EGFLAM: variants seen among roughly 807,000 people sequenced by gnomAD.
The protein encoded by EGFLAM is EGF like, fibronectin type III and laminin G domains.
In EGFLAM, 79 loss-of-function variants were observed where a neutral mutation model predicts 113.1. The observed-to-expected ratio is 0.70, with a 90% CI of 0.58 to 0.84. EGFLAM has a LOEUF of 0.84. EGFLAM is among the 40% of genes least tolerant of loss of function. The pLI is 0.00. For synonymous variants in EGFLAM, 504 were observed against 487.6 expected (o/e 1.03, Z -0.44); for missense variants, 1,265 against 1,291.6 (o/e 0.98, Z 0.32).
intron 1 of EGFLAM, among the ~76,000 whole-genome samples, chr5:38,293,441 T>C (rs1411559330): frequency 6.6e-6 from 1 of 152,224 alleles, no homozygotes; most frequent in Non-Finnish European, 1.5e-5. Flanking sequence ...CAATGATCAA[T>C]GCTATTATTG....
intron 1 of EGFLAM, among the ~76,000 whole-genome samples, chr5:38,276,464 TAAAA>T (rs1490786194): frequency 6.6e-6 from 1 of 151,874 alleles, no homozygotes; most frequent in Non-Finnish European, 1.5e-5. Flanking sequence ...AAATGCCTAA[TAAAA>T]AAGGAAGAAA....
chr5:38,341,365 G>A (rs1044346243), intron 3 of EGFLAM, among the ~76,000 whole-genome samples: 7 of 152,174 alleles, frequency 4.6e-5, no homozygotes, highest in Non-Finnish European at 1.0e-4. Flanking sequence ...AGTGCTGAGT[G>A]AAGGGGGAAG....
chr5:38,431,475 A>G (rs1034849479), intron 15 of EGFLAM, among the ~76,000 whole-genome samples, 187 bp downstream of exon 15: 2 of 152,244 alleles, frequency 1.3e-5, no homozygotes, highest in Admixed American at 6.5e-5. Flanking sequence ...AATGGGGATA[A>G]TAATAGTATG....
intron 1 of EGFLAM, among the ~76,000 whole-genome samples, chr5:38,324,612 C>T (rs916988172): frequency 2.0e-5 from 3 of 152,096 alleles, no homozygotes; most frequent in Non-Finnish European, 4.4e-5. Context: ...TTAGAGGTTC[C>T]AATCCAATGG....
intron 1 of EGFLAM, chr5:38,305,600 C>A: frequency 3.2e-6 from 1 of 308,578 alleles, no homozygotes; most frequent in Non-Finnish European, 6.7e-6. Context: ...GAAAAGGCAA[C>A]CAGTCCAACT....
chr5:38,336,460 G>C (rs13167536), intron 1 of EGFLAM, among the ~76,000 whole-genome samples: 1 of 151,704 alleles, frequency 6.6e-6, no homozygotes, highest in Non-Finnish European at 1.5e-5. Context: ...TGTAGTCCCA[G>C]CTACTCCGGA....
At chr5:38,431,354 T>G in intron 15 of EGFLAM, 66 bp downstream of exon 15, 1 of 1,501,130 alleles carries the variant, frequency 6.7e-7, no homozygotes, top group Admixed American at 1.8e-5. Context: ...CTGCCTGTCT[T>G]GGTAGAAAAG....
chr5:38,341,969 C>A (rs1167429217), intron 3 of EGFLAM, among the ~76,000 whole-genome samples: 3 of 151,624 alleles, frequency 2.0e-5, no homozygotes, highest in East Asian at 3.9e-4. Flanking sequence ...TCTCCAGGGA[C>A]AACCTGATCA....
intron 1 of EGFLAM, among the ~76,000 whole-genome samples, chr5:38,284,404 C>T (rs909464780): frequency 6.6e-6 from 1 of 152,162 alleles, no homozygotes; most frequent in Non-Finnish European, 1.5e-5. Context: ...CTCAGCTCCA[C>T]CATTGTAGAG....
rs1342278100 is a variant in EGFLAM at position 38,401,667 on chromosome 5, T to C, written c.713-4459T>C. On this transcript the variant is annotated intron_variant, in intron 6 of 21. Transcript: ENST00000322350. Reference sequence around the variant, plus strand: ...TCTCCTGTCACTCCTCTCAAAGGTGTTGACCTTTGTTGAGTACATGAAGTG... The same window carrying C: ...TCTCCTGTCACTCCTCTCAAAGGTGCTGACCTTTGTTGAGTACATGAAGTG... 2.0e-5 allele frequency among the ~76,000 whole-genome samples: 3 copies of C among 152,044 alleles called. No individual in the cohort carries two copies. In the East Asian group the frequency reaches 5.8e-4, roughly 29 times the overall value.
At chr5:38,461,526 A>T (rs547053422) in intron 20 of EGFLAM, among the ~76,000 whole-genome samples, 221 of 151,774 alleles carry the variant, frequency 1.5e-3, no homozygotes, top group African/African-American at 5.1e-3. Context: ...TTTTTTTTTT[A>T]AAGGCAGGGC....
At chr5:38,421,852 C>T (rs1741833969) in intron 12 of EGFLAM, among the ~76,000 whole-genome samples, 1 of 151,734 alleles carries the variant, frequency 6.6e-6, no homozygotes, top group South Asian at 2.1e-4. Context: ...GGGCTTGTTC[C>T]AGGGGAAGAG....
At chr5:38,434,127 TGTG>T (rs1404012350) in intron 15 of EGFLAM, among the ~76,000 whole-genome samples, 1 of 152,222 alleles carries the variant, frequency 6.6e-6, no homozygotes, top group African/African-American at 2.4e-5. Flanking sequence ...ATGCTCGTAA[TGTG>T]GTGTGTAAGG....
intron 12 of EGFLAM, among the ~76,000 whole-genome samples, chr5:38,422,322 A>T (rs1214893255): frequency 1.3e-5 from 2 of 151,606 alleles, no homozygotes; most frequent in Non-Finnish European, 2.9e-5. Flanking sequence ...CCTCCCCATC[A>T]CTCTTGAGTT....
chr5:38,454,634 C>G (rs1458481433), intron 19 of EGFLAM, among the ~76,000 whole-genome samples: 1 of 152,176 alleles, frequency 6.6e-6, no homozygotes, highest in African/African-American at 2.4e-5. Flanking sequence ...GTCACGGGCC[C>G]TGCGCCCAAG....
At chr5:38,400,605 A>G (rs1001756761) in intron 6 of EGFLAM, among the ~76,000 whole-genome samples, 1 of 152,212 alleles carries the variant, frequency 6.6e-6, no homozygotes, top group African/African-American at 2.4e-5. Context: ...GGCAGTCAGG[A>G]AAGAGAAGTA....
intron 13 of EGFLAM, 118 bp from the exon 14 acceptor site, chr5:38,426,891 G>A (rs1561086015): frequency 2.1e-6 from 3 of 1,449,528 alleles, no homozygotes; most frequent in African/African-American, 1.4e-5. Flanking sequence ...CCTAACTGCA[G>A]GGCTGCTGGG....
intron 6 of EGFLAM, among the ~76,000 whole-genome samples, chr5:38,397,584 C>T (rs974476285): frequency 7.9e-5 from 12 of 152,124 alleles, no homozygotes; most frequent in East Asian, 3.9e-4. Context: ...TAAGCTACCA[C>T]GTCCAGCATC....
Position 38,296,358 on chromosome 5 carries a change from G to A in EGFLAM, c.97+37507G>A, listed in dbSNP as rs565962771. Among the ~76,000 whole-genome samples the A allele has an allele frequency of 3.0e-3, 461 of 152,208 alleles. 1 individual carries two copies. The highest frequency in any genetic ancestry group is 5.0e-3 in the Admixed American group (76 of 15,278). Reference sequence around the variant, plus strand: ...ATCAACTTACTGAATATGCAGCCCCGTAAGTTGAATAGTCTGGATTCTCAC... The same window carrying A: ...ATCAACTTACTGAATATGCAGCCCCATAAGTTGAATAGTCTGGATTCTCAC... On this transcript the variant is annotated intron_variant, in intron 1 of 21. Coordinates refer to ENST00000322350, the MANE Select transcript of EGFLAM (RefSeq NM_152403.4).
Sources: allele counts gnomAD v4.1 joint callset (sites outside exome capture counted in the v4.1 genomes callset), GRCh38; gene constraint gnomAD v4.1.1; transcripts MANE v1.5; gene names NCBI Gene and HGNC (gene_info 2026-07-23, HGNC 2026-07-21).